Variants in SHANK2 observed in about 807,000 individuals in gnomAD.
SHANK2 encodes the protein SH3 and multiple ankyrin repeat domains 2, also known as SH3 and multiple ankyrin repeat domains protein 2.
SHANK2 carries 43 observed loss-of-function variants against 133.7 expected under a neutral mutation model. The observed-to-expected ratio is 0.32, with a 90% CI of 0.25 to 0.41. The LOEUF (loss-of-function observed/expected upper bound fraction) is 0.41. SHANK2 is among the 10% of genes least tolerant of loss of function. The pLI is 1.00. For synonymous variants in SHANK2, 1,017 were observed against 952.8 expected (o/e 1.07, Z -1.24); for missense variants, 1,994 against 2,235.8 (o/e 0.89, Z 2.18).
chr11:70,857,016 T>C (rs1173069661), intron 11 of SHANK2, among the ~76,000 whole-genome samples: 2 of 152,250 alleles, frequency 1.3e-5, no homozygotes, highest in Admixed American at 6.5e-5. Flanking sequence ...CATCTCTTCC[T>C]GCTAACTTAT....
intron 24 of SHANK2, among the ~76,000 whole-genome samples, chr11:70,488,280 G>A (rs923486885): frequency 6.6e-6 from 1 of 152,200 alleles, no homozygotes; most frequent in Non-Finnish European, 1.5e-5. Context: ...GTATTGCTGT[G>A]TTTATGTGGC....
intron 17 of SHANK2, among the ~76,000 whole-genome samples, chr11:70,594,245 G>T (rs2060367363): frequency 6.6e-6 from 1 of 152,214 alleles, no homozygotes; most frequent in Non-Finnish European, 1.5e-5. Context: ...GCCGGGGCGT[G>T]GGGGATGCTC....
intron 8 of SHANK2, among the ~76,000 whole-genome samples, chr11:71,085,875 ATTTATATAACCTTAAT>A: frequency 2.8e-4 from 9 of 32,540 alleles, no homozygotes; most frequent in African/African-American, 3.4e-4. Flanking sequence ...TATATTATAT[ATTTATATAACCTTAAT>A]ATATATATTA....
chr11:70,806,567 C>T (rs1373885815), intron 13 of SHANK2, among the ~76,000 whole-genome samples: 1 of 152,220 alleles, frequency 6.6e-6, no homozygotes, highest in Admixed American at 6.5e-5. Flanking sequence ...ATCTTTCCTT[C>T]CAACCTGGTA....
intron 11 of SHANK2, among the ~76,000 whole-genome samples, chr11:70,886,544 A>T (rs1277858192): frequency 6.6e-6 from 1 of 152,218 alleles, no homozygotes; most frequent in East Asian, 1.9e-4. Context: ...TGGAAGGAGC[A>T]CATTTCACAG....
At chr11:70,792,527 C>A (rs573258823) in intron 14 of SHANK2, among the ~76,000 whole-genome samples, 7 of 152,358 alleles carry the variant, frequency 4.6e-5, no homozygotes, top group African/African-American at 1.7e-4. Context: ...TCACTGGGTC[C>A]TGAGCAGCCA....
intron 14 of SHANK2, among the ~76,000 whole-genome samples, chr11:70,774,388 C>A (rs148705855): frequency 6.6e-6 from 1 of 151,832 alleles, no homozygotes; most frequent in Non-Finnish European, 1.5e-5. Flanking sequence ...GGTGCCATCT[C>A]GGCTTACTGC....
rs150455602 is a variant in SHANK2 at position 70,481,120 on chromosome 11, T to A, written c.4979+4194A>T. ...CTGGAATAATCAGGCCAGGTGGTCCTGGAACACTTTTCTTAGAACTGACGC... is the reference window on the plus strand; with the variant it reads ...CTGGAATAATCAGGCCAGGTGGTCCAGGAACACTTTTCTTAGAACTGACGC... On this transcript the variant is annotated intron_variant, in intron 25 of 25. Coordinates refer to ENST00000601538, the MANE Select transcript of SHANK2 (RefSeq NM_012309.5). Among the ~76,000 whole-genome samples, 8 of 152,360 alleles carry A rather than the reference T, an allele frequency of 5.3e-5. No homozygotes were observed. In the East Asian group the frequency reaches 1.5e-3, roughly 29 times the overall value.
At chr11:70,806,473 A>G (rs1197015988) in intron 13 of SHANK2, among the ~76,000 whole-genome samples, 6 of 152,288 alleles carry the variant, frequency 3.9e-5, no homozygotes, top group African/African-American at 1.4e-4. Context: ...CCCAGGAACA[A>G]TGTCTAACCC....
At chr11:70,731,998 ATCCTCTGAACGCAGTCCTCTGTGTCT>A (rs1201433175) in intron 14 of SHANK2, among the ~76,000 whole-genome samples, 1 of 151,706 alleles carries the variant, frequency 6.6e-6, no homozygotes, top group Non-Finnish European at 1.5e-5. Context: ...TCAGCTCCCC[ATCCTCTGAACGCAGTCCTCTGTGTCT>A]TCCTCTCTGG....
chr11:70,944,997 C>G (rs1372942801), intron 10 of SHANK2, among the ~76,000 whole-genome samples: 1 of 152,160 alleles, frequency 6.6e-6, no homozygotes, highest in Admixed American at 6.5e-5. Flanking sequence ...TGGAAATTCC[C>G]TTCTGTTCCC....
Position 71,248,288 on chromosome 11 carries a change from C to T in SHANK2, c.-113+4137G>A, listed in dbSNP as rs140943826. ...TGAATCTGCCTTCAACAATGGAAAA[C>T]GTGGGGCACATCAAGAAGTATGATG... On this transcript the variant is annotated intron_variant, in intron 1 of 25. Coordinates refer to ENST00000601538, the MANE Select transcript of SHANK2 (RefSeq NM_012309.5). 2.3e-3 allele frequency among the ~76,000 whole-genome samples: 345 copies of T among 152,370 alleles called. 3 individuals are homozygous for T. Among genetic ancestry groups the T allele is most frequent in the East Asian group, 0.011 (59 of 5,180 alleles).
intron 10 of SHANK2, chr11:70,942,768 T>C (rs1555084602): frequency 2.2e-6 from 1 of 456,270 alleles, no homozygotes; most frequent in East Asian, 7.0e-5. Flanking sequence ...TCACAAGCCC[T>C]TCCTCCTTAA....
At chr11:71,194,950 G>A (rs545505666) in intron 2 of SHANK2, among the ~76,000 whole-genome samples, 6 of 152,318 alleles carry the variant, frequency 3.9e-5, no homozygotes, top group African/African-American at 1.2e-4. Context: ...TGCTTCCTTC[G>A]TGGGTTAATG....
intron 17 of SHANK2, among the ~76,000 whole-genome samples, chr11:70,629,590 C>T (rs1565194051): frequency 6.6e-6 from 1 of 151,998 alleles, no homozygotes; most frequent in African/African-American, 2.4e-5. Context: ...GACTCCAGCT[C>T]CCCTAAGGGC....
At chr11:70,920,359 C>T (rs1950332901) in intron 10 of SHANK2, among the ~76,000 whole-genome samples, 1 of 152,116 alleles carries the variant, frequency 6.6e-6, no homozygotes, top group African/African-American at 2.4e-5. Flanking sequence ...TCCCAAAGGG[C>T]TGGGTTTACA....
At chr11:71,190,401 C>T (rs1191225002) in intron 2 of SHANK2, among the ~76,000 whole-genome samples, 1 of 152,198 alleles carries the variant, frequency 6.6e-6, no homozygotes, top group African/African-American at 2.4e-5. Context: ...CGTGAGGCTC[C>T]ATCCAGACCC....
At chr11:70,842,764 G>A (rs1948926918) in intron 11 of SHANK2, among the ~76,000 whole-genome samples, 1 of 152,184 alleles carries the variant, frequency 6.6e-6, no homozygotes, top group Admixed American at 6.5e-5. Flanking sequence ...GCTCCCAGGG[G>A]GGTGGGAGGC....
intron 12 of SHANK2, among the ~76,000 whole-genome samples, chr11:70,809,095 C>T (rs919956612): frequency 1.3e-5 from 2 of 151,382 alleles, no homozygotes; most frequent in African/African-American, 2.4e-5. Flanking sequence ...AGTGCCAGGA[C>T]GGGCGTCCTT....
Sources: gnomAD v4.1 joint callset for allele counts (sites outside exome capture counted in the v4.1 genomes callset) on GRCh38, gnomAD v4.1.1 for gene constraint, MANE v1.5 for transcripts, NCBI Gene and HGNC (gene_info 2026-07-23, HGNC 2026-07-21) for gene names.